The following MAPRE2 variants were observed in gnomAD, a reference collection of about 807,000 sequenced individuals.
MAPRE2 encodes microtubule-associated protein RP/EB family member 2.
Under a neutral mutation model 43.2 loss-of-function variants are expected in MAPRE2, and 13 were observed. The ratio of observed to expected loss-of-function variants is 0.30; its 90% CI spans 0.20 to 0.48. The LOEUF is 0.48. MAPRE2 is among the 20% of genes least tolerant of loss of function. The probability of loss-of-function intolerance (pLI) is 0.99; values close to 1 mark genes in which losing one functional copy is unlikely to be tolerated. For synonymous variants in MAPRE2, 135 were observed against 148.8 expected (o/e 0.91, Z 0.68); for missense variants, 161 against 400.2 (o/e 0.40, Z 5.10).
rs1168505845 is a variant in MAPRE2 at position 35,141,446 on chromosome 18, C to T, written c.*1077C>T. The T allele has an allele frequency of 6.6e-6, 1 of 152,112 alleles. No individual in the cohort carries two copies. The highest frequency in any genetic ancestry group is 6.5e-5 in the Admixed American group (1 of 15,278). The allele number at this position is 152,112 out of a possible 1,614,324, so 9.4% of individuals were successfully genotyped here. ...TCATGGTTCTGCAGTCTGGTGTAGA[C>T]ACTGGAATAACAGCACAGAAAAATC... On this transcript the variant is annotated 3_prime_UTR_variant, in exon 7 of 7. Transcript: ENST00000300249.
intron 1 of MAPRE2, among the ~76,000 whole-genome samples, chr18:34,986,988 T>C (rs2097021309): frequency 6.6e-6 from 1 of 152,142 alleles, no homozygotes; most frequent in Non-Finnish European, 1.5e-5. Flanking sequence ...GTTATATTTA[T>C]GAGATAATGA....
intron 1 of MAPRE2, among the ~76,000 whole-genome samples, chr18:34,985,571 T>A (rs1232873970): frequency 3.7e-5 from 3 of 80,998 alleles, no homozygotes; most frequent in Non-Finnish European, 6.5e-5. Context: ...ATAAATATAA[T>A]ATATAAACTA....
intron 1 of MAPRE2, among the ~76,000 whole-genome samples, chr18:35,047,411 A>G (rs1261051206): frequency 1.3e-5 from 2 of 152,144 alleles, no homozygotes; most frequent in African/African-American, 4.8e-5. Context: ...TCCCATTGGT[A>G]TCATACAAAC....
intron 4 of MAPRE2, among the ~76,000 whole-genome samples, chr18:35,109,232 A>G (rs1315291052): frequency 6.6e-6 from 1 of 152,254 alleles, no homozygotes; most frequent in South Asian, 2.1e-4. Context: ...TCCTTTCCCC[A>G]TTGCTTGTTT....
At position 35,052,946 on chromosome 18, in the gene MAPRE2, G is replaced by C. The variant is rs566057080; in HGVS notation, c.122+11285G>C. Among the ~76,000 whole-genome samples, 315 of 151,970 alleles carry C rather than the reference G, an allele frequency of 2.1e-3. 1 individual carries two copies. The highest frequency in any genetic ancestry group is 3.9e-3 in the Non-Finnish European group (265 of 67,974). The stretch of plus-strand genomic sequence containing the variant: ...CACATATGTTTTGCATAATAATATA[G>C]TCTTGAATTGTATTTTAATATGTAC... On this transcript the variant is annotated intron_variant, in intron 1 of 6. Transcript: ENST00000300249.
intron 2 of MAPRE2, among the ~76,000 whole-genome samples, chr18:35,089,751 C>G (rs911874565): frequency 3.3e-5 from 5 of 152,158 alleles, no homozygotes; most frequent in Non-Finnish European, 7.4e-5. Flanking sequence ...AATTGTTAAA[C>G]AGAGTTACCA....
chr18:34,998,323 CTTTTTTTTT>C (rs11339291), intron 1 of MAPRE2, among the ~76,000 whole-genome samples: 1 of 120,738 alleles, frequency 8.3e-6, no homozygotes, highest in Non-Finnish European at 1.7e-5. Flanking sequence ...TTTTCTCTCT[CTTTTTTTTT>C]TTTTTTTTTT....
chr18:35,109,029 T>C (rs1344204002), intron 4 of MAPRE2, among the ~76,000 whole-genome samples: 2 of 152,256 alleles, frequency 1.3e-5, no homozygotes, highest in Non-Finnish European at 2.9e-5. Flanking sequence ...TTTGGCGTTT[T>C]TGTCATGTAG....
At chr18:35,097,348 A>G (rs1908476946) in intron 2 of MAPRE2, 98 bp from the exon 3 acceptor site, 1 of 1,042,968 alleles carries the variant, frequency 9.6e-7, no homozygotes, top group Non-Finnish European at 1.4e-6. Flanking sequence ...CTGAGTGATG[A>G]TGGTGCCTGT....
chr18:34,981,887 A>ATTT (rs1261290510), intron 1 of MAPRE2, among the ~76,000 whole-genome samples: 608 of 34,782 alleles, frequency 0.017, 9 homozygotes, highest in African/African-American at 0.034. Flanking sequence ...ATTTTTATTT[A>ATTT]TTTTTTTTTT....
chr18:35,141,191 G>T lies in MAPRE2; in HGVS notation c.*822G>T, dbSNP rs1040354703. 6.6e-6 allele frequency: 1 copy of T among 152,172 alleles called. No individual in the cohort carries two copies. The highest frequency in any genetic ancestry group is 6.5e-5 in the Admixed American group (1 of 15,276). The allele number at this position is 152,172 out of a possible 1,614,324, so 9.4% of individuals were successfully genotyped here. ...GCCACTCCCCGAGATGTTGCCATCA[G>T]TTTTCTGCAGTCCAAAGAGGGTATG... On this transcript the variant is annotated 3_prime_UTR_variant, in exon 7 of 7. Transcript: ENST00000300249.
chr18:35,041,712 G>A (rs1905378311), intron 1 of MAPRE2, 51 bp downstream of exon 1: 9 of 1,613,118 alleles, frequency 5.6e-6, no homozygotes, highest in African/African-American at 1.3e-5. Flanking sequence ...GAGGGCGCGC[G>A]GAAATCCAGC....
In MAPRE2 at chr18:35,101,942, G is replaced by A. The variant is rs1908699836; in HGVS notation, c.397-4G>A. 6.3e-7 allele frequency: 1 copy of A among 1,583,948 alleles called. No homozygotes were observed. The highest frequency in any genetic ancestry group is 1.8e-5 in the Admixed American group (1 of 54,888). ...GTAACTCACATAGTGATTTTTTATTGCAGGTAATTCCAGTGGAGAAGCTAG... is the reference window on the plus strand; with the variant it reads ...GTAACTCACATAGTGATTTTTTATTACAGGTAATTCCAGTGGAGAAGCTAG... On this transcript the variant is annotated splice_polypyrimidine_tract_variant and splice_region_variant and intron_variant, in intron 3 of 6. Coordinates refer to ENST00000300249, the MANE Select transcript of MAPRE2 (RefSeq NM_014268.4).
At chr18:34,987,827 G>C (rs2097021787) in intron 1 of MAPRE2, among the ~76,000 whole-genome samples, 2 of 152,008 alleles carry the variant, frequency 1.3e-5, no homozygotes, top group Non-Finnish European at 2.9e-5. Flanking sequence ...ATTTTTTGTA[G>C]AGACGGGGTT....
intron 1 of MAPRE2, among the ~76,000 whole-genome samples, chr18:34,985,689 TA>T (rs2097020515): frequency 8.3e-6 from 1 of 120,470 alleles, no homozygotes; most frequent in Non-Finnish European, 1.7e-5. Context: ...ATATATTATA[TA>T]ATATGTGATA....
At position 34,998,772 on chromosome 18, in the gene MAPRE2, A is replaced by ATTTTTTTTTTTTTTT. The variant is rs67933808; in HGVS notation, c.-69-6706_-69-6692dup. Among the ~76,000 whole-genome samples, 111 of 93,724 alleles carry ATTTTTTTTTTTTTTT rather than the reference A, an allele frequency of 1.2e-3. 8 individuals carry two copies. Among genetic ancestry groups the ATTTTTTTTTTTTTTT allele is most frequent in the African/African-American group, 4.4e-3 (89 of 20,166 alleles). 61.5% of individuals were successfully genotyped at this position (93,724 alleles called of 152,430 possible). A position where few individuals can be genotyped will look rare whatever the true frequency, so the allele number is the denominator to read the frequency against. On this transcript the variant is annotated intron_variant, in intron 1 of 7. Transcript: ENST00000413393. ...GCCACTGAGCCTGGCCGAAGTTGCAATTTTTTTTTTTTTTTTTTTTTTTTT... is the reference window on the plus strand; with the variant it reads ...GCCACTGAGCCTGGCCGAAGTTGCAATTTTTTTTTTTTTTTTTTTTTTTTTTTTTTTTTTTTTTTT...
chr18:35,077,133 G>T (rs959705829), intron 2 of MAPRE2, among the ~76,000 whole-genome samples: 3 of 152,286 alleles, frequency 2.0e-5, no homozygotes, highest in Non-Finnish European at 2.9e-5. Flanking sequence ...TTTATATAGT[G>T]CCTTAACAGG....
At chr18:35,080,162 A>G (rs1907562057) in intron 2 of MAPRE2, among the ~76,000 whole-genome samples, 1 of 152,260 alleles carries the variant, frequency 6.6e-6, no homozygotes, top group Non-Finnish European at 1.5e-5. Context: ...TATGGATAGG[A>G]TTCAGACGGA....
intron 2 of MAPRE2, among the ~76,000 whole-genome samples, chr18:35,024,105 C>G (rs375317130): frequency 1.3e-5 from 2 of 152,268 alleles, no homozygotes; most frequent in South Asian, 2.1e-4. Context: ...ATGCTTCAGG[C>G]TAACAGTGTA....
Sources: gnomAD v4.1 joint callset for allele counts (sites outside exome capture counted in the v4.1 genomes callset) on GRCh38, gnomAD v4.1.1 for gene constraint, MANE v1.5 for transcripts, NCBI Gene and HGNC (gene_info 2026-07-23, HGNC 2026-07-21) for gene names.